The following CDH8 variants were observed in gnomAD, a reference collection of about 807,000 sequenced individuals.
The protein encoded by CDH8 is cadherin-8.
In CDH8, 17 loss-of-function variants were observed where a neutral mutation model predicts 68.1. The observed-to-expected ratio is 0.25, with a 90% CI of 0.17 to 0.37. The LOEUF is 0.37. CDH8 is among the 10% of genes least tolerant of loss of function. The probability of loss-of-function intolerance (pLI) is 1.00; values close to 1 mark genes in which losing one functional copy is unlikely to be tolerated. For missense variants in CDH8, 763 were observed against 999.3 expected (o/e 0.76, Z 3.19); for synonymous variants, 372 against 365.1 (o/e 1.02, Z -0.21).
At chr16:62,022,958 C>G (rs1035519855) in intron 1 of CDH8, among the ~76,000 whole-genome samples, 1 of 152,108 alleles carries the variant, frequency 6.6e-6, no homozygotes, top group African/African-American at 2.4e-5. Flanking sequence ...CCACAGCAAG[C>G]AGCAGTTGCT....
At chr16:61,764,191 C>G (rs570200900) in intron 8 of CDH8, among the ~76,000 whole-genome samples, 130 of 152,130 alleles carry the variant, frequency 8.5e-4, no homozygotes, top group African/African-American at 3.0e-3. Flanking sequence ...AACTCAGAAA[C>G]AGGAAATGAC....
At chr16:61,865,210 C>T (rs941611479) in intron 3 of CDH8, among the ~76,000 whole-genome samples, 7 of 152,126 alleles carry the variant, frequency 4.6e-5, no homozygotes, top group Non-Finnish European at 8.8e-5. Flanking sequence ...CCTGTCATTT[C>T]TCTGGCTCCA....
rs1963325602 is a variant in CDH8 at position 61,651,598 on chromosome 16, G to T, written c.*2010C>A. 6.6e-6 allele frequency: 1 copy of T among 152,194 alleles called. No homozygotes were observed. The highest frequency in any genetic ancestry group is 2.1e-4 in the South Asian group (1 of 4,832). The allele number at this position is 152,194 out of a possible 1,614,324, so 9.4% of individuals were successfully genotyped here. On this transcript the variant is annotated 3_prime_UTR_variant, in exon 12 of 12. Transcript: ENST00000577390. ...CCACAGCCTGACTGCTTTAATGGATGTGTTTTCACTCTAGAACCCCCTGTC... is the reference window on the plus strand; with the variant it reads ...CCACAGCCTGACTGCTTTAATGGATTTGTTTTCACTCTAGAACCCCCTGTC...
chr16:61,741,375 A>G (rs910187262), intron 8 of CDH8, among the ~76,000 whole-genome samples: 3 of 152,172 alleles, frequency 2.0e-5, no homozygotes, highest in African/African-American at 7.2e-5. Context: ...TGATGAGCAT[A>G]AATTCTTAAT....
intron 10 of CDH8, among the ~76,000 whole-genome samples, chr16:61,710,313 C>A (rs1042109871): frequency 6.6e-6 from 1 of 152,040 alleles, no homozygotes; most frequent in African/African-American, 2.4e-5. Context: ...AACTAGGCCA[C>A]TCGGTTGAGA....
At chr16:61,972,583 T>G (rs935412197) in intron 2 of CDH8, among the ~76,000 whole-genome samples, 1 of 150,338 alleles carries the variant, frequency 6.7e-6, no homozygotes, top group Non-Finnish European at 1.5e-5. Context: ...TGTGTGTGTG[T>G]GTGTGTGTGT....
intron 8 of CDH8, among the ~76,000 whole-genome samples, chr16:61,731,784 A>T (rs190051466): frequency 6.6e-6 from 1 of 151,874 alleles, no homozygotes; most frequent in Non-Finnish European, 1.5e-5. Context: ...AAAAGAAATC[A>T]TATGTGAGAG....
chr16:61,826,205 C>T, intron 4 of CDH8, among the ~76,000 whole-genome samples: 1 of 151,794 alleles, frequency 6.6e-6, no homozygotes, highest in Middle Eastern at 3.2e-3. Flanking sequence ...TTTTGAAAAA[C>T]TTCCTTGTCA....
intron 8 of CDH8, among the ~76,000 whole-genome samples, chr16:61,731,705 T>G (rs557511015): frequency 6.6e-6 from 1 of 151,614 alleles, no homozygotes; most frequent in South Asian, 2.1e-4. Flanking sequence ...ATATCTAGTT[T>G]CCAAAAAAAG....
intron 1 of CDH8, among the ~76,000 whole-genome samples, chr16:62,033,661 A>G (rs1902381497): frequency 1.3e-5 from 2 of 152,216 alleles, no homozygotes. Flanking sequence ...TTCAGAGCAC[A>G]TTAGCCAGTG....
intron 7 of CDH8, among the ~76,000 whole-genome samples, chr16:61,796,621 T>A (rs1016895849): frequency 1.3e-5 from 2 of 152,142 alleles, no homozygotes. Context: ...ATTTAAACTT[T>A]CTCACTTTTA....
At chr16:61,869,565 A>G (rs1333057250) in intron 3 of CDH8, among the ~76,000 whole-genome samples, 1 of 152,140 alleles carries the variant, frequency 6.6e-6, no homozygotes, top group South Asian at 2.1e-4. Context: ...CTCAAATTTC[A>G]TTACATTGAA....
intron 2 of CDH8, among the ~76,000 whole-genome samples, chr16:61,984,282 C>A (rs1030904143): frequency 1.3e-5 from 2 of 152,134 alleles, no homozygotes; most frequent in African/African-American, 2.4e-5. Context: ...CTAATTAATT[C>A]CCCAACGCCC....
rs530131371 is a variant in CDH8, at chr16:61,768,398, T to TTCTCTCTCTCTCTCTC, written c.1414+20932_1414+20947dup. On this transcript the variant is annotated intron_variant, in intron 8 of 11. Coordinates refer to ENST00000577390, the MANE Select transcript of CDH8 (RefSeq NM_001796.5). ...TCTCTCTCTCTCTCTCTCTCTCCCTTTCTCTCTCTCTCTCTCTCTCTCTCT... is the reference window on the plus strand; with the variant it reads ...TCTCTCTCTCTCTCTCTCTCTCCCTTTCTCTCTCTCTCTCTCTCTCTCTCTCTCTCTCTCTCTCTCT... Among the ~76,000 whole-genome samples, 6 of 35,218 alleles carry TTCTCTCTCTCTCTCTC rather than the reference T, an allele frequency of 1.7e-4. 1 individual carries two copies. Among genetic ancestry groups the TTCTCTCTCTCTCTCTC allele is most frequent in the African/African-American group, 2.6e-4 (2 of 7,812 alleles). 23.1% of individuals were successfully genotyped at this position (35,218 alleles called of 152,430 possible). A position where few individuals can be genotyped will look rare whatever the true frequency, so the allele number is the denominator to read the frequency against.
At chr16:61,888,314 A>G (rs1331154684) in intron 3 of CDH8, among the ~76,000 whole-genome samples, 1 of 152,154 alleles carries the variant, frequency 6.6e-6, no homozygotes, top group East Asian at 1.9e-4. Context: ...CTTTGTCCCC[A>G]TGGGTTCTAG....
chr16:61,836,741 G>A (rs931939281), intron 4 of CDH8, among the ~76,000 whole-genome samples: 1 of 151,490 alleles, frequency 6.6e-6, no homozygotes. Context: ...GCTAGACTGA[G>A]ATATATATAT....
intron 3 of CDH8, among the ~76,000 whole-genome samples, 178 bp from the exon 4 acceptor site, chr16:61,857,416 TAAAAGA>T (rs1184101552): frequency 2.0e-5 from 3 of 152,180 alleles, no homozygotes; most frequent in Non-Finnish European, 4.4e-5. Flanking sequence ...CTAAGTCTTT[TAAAAGA>T]AAGAGTCCTG....
intron 8 of CDH8, among the ~76,000 whole-genome samples, chr16:61,745,089 TTTTATCAAG>T (rs1422385447): frequency 2.0e-5 from 3 of 151,542 alleles, no homozygotes; most frequent in Admixed American, 6.6e-5. Flanking sequence ...TGCTAATGCA[TTTTATCAAG>T]TTTTTTTTTT....
At chr16:61,734,584 C>T (rs1444132204) in intron 8 of CDH8, among the ~76,000 whole-genome samples, 1 of 152,056 alleles carries the variant, frequency 6.6e-6, no homozygotes, top group Non-Finnish European at 1.5e-5. Flanking sequence ...TTACAAGCCC[C>T]ACCTTTTCCA....
Sources: allele counts gnomAD v4.1 joint callset (sites outside exome capture counted in the v4.1 genomes callset), GRCh38; gene constraint gnomAD v4.1.1; transcripts MANE v1.5; gene names NCBI Gene and HGNC (gene_info 2026-07-23, HGNC 2026-07-21).